Variants in NAALADL2 observed in about 807,000 individuals in gnomAD.
NAALADL2 encodes the protein N-acetylated alpha-linked acidic dipeptidase like 2.
NAALADL2 carries 76 observed loss-of-function variants against 87.2 expected under a neutral mutation model. The ratio of observed to expected loss-of-function variants is 0.87; its 90% CI spans 0.72 to 1.05. The LOEUF is 1.05. NAALADL2 is among the 50% of genes least tolerant of loss of function. The pLI, the probability that NAALADL2 is intolerant of heterozygous loss-of-function variation, is 0.00. For missense variants in NAALADL2, 1,089 were observed against 945.8 expected (o/e 1.15, Z -1.99); for synonymous variants, 354 against 331.0 (o/e 1.07, Z -0.75).
At chr3:175,263,374 A>C (rs921084809) in intron 4 of NAALADL2, among the ~76,000 whole-genome samples, 7 of 151,952 alleles carry the variant, frequency 4.6e-5, no homozygotes, top group African/African-American at 1.7e-4. Flanking sequence ...TTCAACTTCT[A>C]TTCCTGTTTT....
chr3:174,953,297 T>TCCTCTCCCCCCCCCCCCCCCC (rs1740651836), intron 1 of NAALADL2, among the ~76,000 whole-genome samples: 10 of 59,316 alleles, frequency 1.7e-4, no homozygotes, highest in Admixed American at 9.9e-4. Context: ...CTTTCTTGCC[T>TCCTCTCCCCCCCCCCCCCCCC]CCCCTCCCCT....
chr3:174,669,190 A>G (rs1444991008), intron 2 of NAALADL2, among the ~76,000 whole-genome samples: 3 of 151,836 alleles, frequency 2.0e-5, no homozygotes, highest in Non-Finnish European at 4.4e-5. Flanking sequence ...GCATTTTTTC[A>G]TGTGTCTTTT....
chr3:174,756,107 C>G (rs1712030515), intron 3 of NAALADL2, among the ~76,000 whole-genome samples: 1 of 152,178 alleles, frequency 6.6e-6, no homozygotes, highest in African/African-American at 2.4e-5. Flanking sequence ...AGAATTTTAG[C>G]CTTGTCTGTA....
chr3:174,668,581 C>A (rs1424969168), intron 2 of NAALADL2, among the ~76,000 whole-genome samples: 1 of 152,132 alleles, frequency 6.6e-6, no homozygotes, highest in Non-Finnish European at 1.5e-5. Context: ...CTCCCCCCAC[C>A]CCGCAACGGG....
chr3:174,955,534 T>C (rs1323718247), intron 1 of NAALADL2, among the ~76,000 whole-genome samples: 4 of 152,080 alleles, frequency 2.6e-5, no homozygotes, highest in South Asian at 2.1e-4. Context: ...CAAATGATGA[T>C]ACCTCTCAAA....
At chr3:174,753,099 G>GCTAT (rs1560196165) in intron 3 of NAALADL2, among the ~76,000 whole-genome samples, 1 of 151,588 alleles carries the variant, frequency 6.6e-6, no homozygotes, top group Non-Finnish European at 1.5e-5. Context: ...TCCCCTTTTT[G>GCTAT]CTTTCTTTCT....
chr3:175,093,552 A>G (rs1720565748), intron 1 of NAALADL2, among the ~76,000 whole-genome samples: 2 of 148,306 alleles, frequency 1.3e-5, no homozygotes, highest in African/African-American at 4.9e-5. Flanking sequence ...TTATATATGT[A>G]TATAATACAT....
intron 9 of NAALADL2, among the ~76,000 whole-genome samples, chr3:175,505,896 C>T (rs1339134943): frequency 1.3e-5 from 2 of 152,116 alleles, no homozygotes; most frequent in Admixed American, 6.5e-5. Flanking sequence ...TTTTAAAAAG[C>T]CTCTTGGCCT....
At chr3:174,449,053 A>G (rs1715279005) in intron 1 of NAALADL2, among the ~76,000 whole-genome samples, 1 of 152,188 alleles carries the variant, frequency 6.6e-6, no homozygotes, top group Non-Finnish European at 1.5e-5. Context: ...GTTATAACAG[A>G]TAGTGTCATC....
At chr3:174,888,955 A>T (rs868720276) in intron 1 of NAALADL2, among the ~76,000 whole-genome samples, 1 of 152,160 alleles carries the variant, frequency 6.6e-6, no homozygotes, top group African/African-American at 2.4e-5. Flanking sequence ...AATCTCAAAA[A>T]ACTTTGTCAT....
At chr3:174,912,010 C>T (rs1649650104) in intron 1 of NAALADL2, among the ~76,000 whole-genome samples, 2 of 151,998 alleles carry the variant, frequency 1.3e-5, no homozygotes, top group Admixed American at 1.3e-4. Context: ...TTTATTTTCC[C>T]ATTATAACAG....
chr3:175,497,699 C>T (rs763063638), intron 9 of NAALADL2, among the ~76,000 whole-genome samples: 17 of 151,826 alleles, frequency 1.1e-4, no homozygotes, highest in Non-Finnish European at 2.2e-4. Flanking sequence ...AAATAGCTAA[C>T]ATATTACAAG....
At chr3:175,309,207 C>T (rs946317332) in intron 4 of NAALADL2, among the ~76,000 whole-genome samples, 46 of 151,116 alleles carry the variant, frequency 3.0e-4, no homozygotes, top group South Asian at 2.1e-4. Context: ...TTTTTTGAGA[C>T]GGAGTTTCAC....
chr3:174,997,265 T>C (rs1327845532), intron 1 of NAALADL2, among the ~76,000 whole-genome samples: 3 of 152,118 alleles, frequency 2.0e-5, no homozygotes, highest in African/African-American at 7.2e-5. Flanking sequence ...CTGTTTTCCA[T>C]AGTGGTACTA....
chr3:175,677,003 A>G (rs1214956948), intron 11 of NAALADL2, among the ~76,000 whole-genome samples: 2 of 152,188 alleles, frequency 1.3e-5, no homozygotes, highest in African/African-American at 2.4e-5. Context: ...ATTCTTTAAA[A>G]AAGAGTTTAT....
intron 1 of NAALADL2, among the ~76,000 whole-genome samples, chr3:174,995,042 T>G (rs1020367785): frequency 1.3e-5 from 2 of 152,110 alleles, no homozygotes; most frequent in African/African-American, 4.8e-5. Flanking sequence ...AAGGCCATGT[T>G]TACCCTATGT....
intron 3 of NAALADL2, among the ~76,000 whole-genome samples, chr3:174,792,223 CAGAA>C (rs1274061963): frequency 1.5e-5 from 2 of 137,096 alleles, no homozygotes; most frequent in Admixed American, 1.6e-4. Flanking sequence ...CCTGTCTCAA[CAGAA>C]AGAAAGAGAG....
intron 11 of NAALADL2, among the ~76,000 whole-genome samples, chr3:175,715,033 T>C (rs1741045973): frequency 1.3e-5 from 2 of 152,222 alleles, no homozygotes; most frequent in African/African-American, 4.8e-5. Flanking sequence ...AAATAAGTAC[T>C]AATGTTTGAG....
chr3:174,741,216 C>G (rs540967837), intron 3 of NAALADL2, among the ~76,000 whole-genome samples: 5 of 151,712 alleles, frequency 3.3e-5, no homozygotes, highest in Non-Finnish European at 5.9e-5. Flanking sequence ...TCTTGAGGTA[C>G]TTTTCATTAT....
Sources: allele counts gnomAD v4.1 joint callset (sites outside exome capture counted in the v4.1 genomes callset), GRCh38; gene constraint gnomAD v4.1.1; transcripts MANE v1.5; gene names NCBI Gene and HGNC (gene_info 2026-07-23, HGNC 2026-07-21).